The following FGGY variants were observed in gnomAD, a reference collection of about 807,000 sequenced individuals.
The protein encoded by FGGY is FGGY carbohydrate kinase domain-containing protein.
In FGGY, 72 loss-of-function variants were observed where a neutral mutation model predicts 71.3. That is an observed-to-expected ratio of 1.01 (90% CI 0.84 to 1.23). The LOEUF is 1.23. Among genes scored for constraint, FGGY ranks in the 50% most tolerant of loss-of-function variants. The probability of loss-of-function intolerance (pLI) is 0.00; values close to 1 mark genes in which losing one functional copy is unlikely to be tolerated. For missense variants in FGGY, 668 were observed against 682.3 expected (o/e 0.98, Z 0.23); for synonymous variants, 251 against 250.3 (o/e 1.00, Z -0.02).
At chr1:59,312,997 A>G (rs1360530894) in intron 1 of FGGY, among the ~76,000 whole-genome samples, 5 of 152,214 alleles carry the variant, frequency 3.3e-5, no homozygotes, top group Admixed American at 6.5e-5. Flanking sequence ...TAGTCTTTAC[A>G]AATGGGCTCA....
intron 14 of FGGY, among the ~76,000 whole-genome samples, chr1:59,681,198 T>A (rs1332756090): frequency 6.6e-6 from 1 of 152,238 alleles, no homozygotes; most frequent in Non-Finnish European, 1.5e-5. Flanking sequence ...AATTAAAAGA[T>A]ACTTCAATAA....
chr1:59,367,496 G>C (rs557899996), intron 4 of FGGY, among the ~76,000 whole-genome samples: 1 of 152,358 alleles, frequency 6.6e-6, no homozygotes, highest in Non-Finnish European at 1.5e-5. Context: ...TATTTATTGA[G>C]TGGGGAATTA....
rs548212013 is a variant in FGGY at position 59,300,289 on chromosome 1, C to A, written c.-15+3139C>A. Reference sequence around the variant, plus strand: ...TTTTTAATTCCTCTTTGTATACCCCCTAAGGTAAAGTATGTATTCAATCTT... The same window carrying A: ...TTTTTAATTCCTCTTTGTATACCCCATAAGGTAAAGTATGTATTCAATCTT... On this transcript the variant is annotated intron_variant, in intron 1 of 15. Coordinates refer to ENST00000303721, the MANE Select transcript of FGGY (RefSeq NM_018291.5). Among the ~76,000 whole-genome samples, 6 of 152,290 alleles carry A rather than the reference C, an allele frequency of 3.9e-5. No homozygotes were observed. The South Asian group carries it at 1.2e-3, about 32-fold the overall frequency.
intron 14 of FGGY, among the ~76,000 whole-genome samples, chr1:59,682,874 A>G (rs2097514800): frequency 6.6e-6 from 1 of 152,212 alleles, no homozygotes; most frequent in African/African-American, 2.4e-5. Flanking sequence ...AACTTGCATC[A>G]GAATGTAAAT....
chr1:59,375,265 GAAAA>G (rs1289366742), intron 4 of FGGY, among the ~76,000 whole-genome samples: 1 of 99,832 alleles, frequency 1.0e-5, no homozygotes, highest in Non-Finnish European at 2.1e-5. Flanking sequence ...TCTCAAAAAA[GAAAA>G]AAAAAAAAAA....
chr1:59,355,746 A>T (rs955458690), intron 4 of FGGY, among the ~76,000 whole-genome samples: 1 of 152,016 alleles, frequency 6.6e-6, no homozygotes, highest in African/African-American at 2.4e-5. Flanking sequence ...TAGGTTGTAG[A>T]GCCCAGATTC....
At chr1:59,657,979 CAAAG>C (rs2097237331) in intron 11 of FGGY, among the ~76,000 whole-genome samples, 1 of 152,128 alleles carries the variant, frequency 6.6e-6, no homozygotes, top group African/African-American at 2.4e-5. Flanking sequence ...TAGAATTTAA[CAAAG>C]AAGGATAGGA....
chr1:59,575,848 T>C (rs1339265587), intron 8 of FGGY, among the ~76,000 whole-genome samples: 2 of 152,234 alleles, frequency 1.3e-5, no homozygotes, highest in African/African-American at 2.4e-5. Flanking sequence ...AATATTCTCA[T>C]ATGGTTTGGA....
At chr1:59,368,624 A>T (rs139392907) in intron 4 of FGGY, among the ~76,000 whole-genome samples, 1 of 152,154 alleles carries the variant, frequency 6.6e-6, no homozygotes, top group Non-Finnish European at 1.5e-5. Flanking sequence ...ACAAGTAGAG[A>T]ATTAATTCAG....
intron 6 of FGGY, among the ~76,000 whole-genome samples, chr1:59,464,129 C>T (rs547376985): frequency 8.3e-4 from 127 of 152,230 alleles, no homozygotes; most frequent in African/African-American, 2.8e-3. Flanking sequence ...AGCAATCCTC[C>T]GCAAATATGA....
At chr1:59,439,584 C>T (rs2069270568) in intron 5 of FGGY, among the ~76,000 whole-genome samples, 1 of 152,194 alleles carries the variant, frequency 6.6e-6, no homozygotes, top group Admixed American at 6.5e-5. Flanking sequence ...TCCCATTCCA[C>T]ATCATCATGT....
chr1:59,478,137 A>G (rs1162842092), intron 6 of FGGY, among the ~76,000 whole-genome samples: 2 of 152,230 alleles, frequency 1.3e-5, no homozygotes, highest in Admixed American at 6.5e-5. Flanking sequence ...GAGAATTTGG[A>G]TGACCTCAAA....
At position 59,297,137 on chromosome 1, in the gene FGGY, G is replaced by C. The variant is rs2042061238; in HGVS notation, c.-28G>C. ...TTCCCGAGACGTTGTTGAGTCCCCT[G>C]TGTCCTCTTCTGGGTGAGGCGTCCG... On this transcript the variant is annotated 5_prime_UTR_variant, in exon 1 of 16. Transcript: ENST00000303721. 1 of 152,698 alleles carries C rather than the reference G, an allele frequency of 6.5e-6. No homozygotes were observed. The highest frequency in any genetic ancestry group is 1.9e-4 in the East Asian group (1 of 5,174). 9.5% of individuals were successfully genotyped at this position (152,698 alleles called of 1,614,324 possible).
chr1:59,500,906 A>C (rs565587152), intron 6 of FGGY, among the ~76,000 whole-genome samples: 3 of 152,286 alleles, frequency 2.0e-5, no homozygotes, highest in Admixed American at 1.3e-4. Flanking sequence ...CTTCATTTCT[A>C]TGCAAGTAAG....
intron 8 of FGGY, among the ~76,000 whole-genome samples, chr1:59,574,565 A>T (rs895516729): frequency 2.0e-5 from 3 of 152,114 alleles, no homozygotes; most frequent in Non-Finnish European, 4.4e-5. Context: ...GAAAGAAGTG[A>T]CATTTAAATG....
intron 8 of FGGY, among the ~76,000 whole-genome samples, chr1:59,586,771 C>A (rs140290484): frequency 2.0e-5 from 3 of 152,120 alleles, no homozygotes; most frequent in African/African-American, 7.2e-5. Flanking sequence ...TGAGGTGACA[C>A]ATTGAAGGAC....
At chr1:59,397,698 G>A (rs2061483466) in intron 5 of FGGY, among the ~76,000 whole-genome samples, 1 of 152,144 alleles carries the variant, frequency 6.6e-6, no homozygotes, top group Admixed American at 6.5e-5. Context: ...GATTTTAATG[G>A]CAGGTTGTGC....
rs181572280 is a variant in FGGY, at chr1:59,711,788, C to G, written c.1512+37655C>G. On this transcript the variant is annotated intron_variant, in intron 14 of 15. Coordinates refer to ENST00000303721, the MANE Select transcript of FGGY (RefSeq NM_018291.5). ...AGAAGAGCACAGGAAAGACCCACCC[C>G]CATGAATCAATCATCTCCCTCCAGG... is the stretch of plus-strand genomic sequence containing the variant. 3.0e-4 allele frequency among the ~76,000 whole-genome samples: 46 copies of G among 152,286 alleles called. No individual in the cohort carries two copies. The East Asian group carries it at 5.8e-3, about 19-fold the overall frequency.
chr1:59,569,475 T>C (rs1044239130), intron 8 of FGGY, among the ~76,000 whole-genome samples: 2 of 152,216 alleles, frequency 1.3e-5, no homozygotes, highest in African/African-American at 2.4e-5. Flanking sequence ...ACCAGAAGTA[T>C]ATCTTGCTGT....
Sources: allele counts gnomAD v4.1 joint callset (sites outside exome capture counted in the v4.1 genomes callset), GRCh38; gene constraint gnomAD v4.1.1; transcripts MANE v1.5; gene names NCBI Gene and HGNC (gene_info 2026-07-23, HGNC 2026-07-21).